The following KIAA1328 variants were observed in gnomAD, a reference collection of about 807,000 sequenced individuals.
KIAA1328 encodes the protein KIAA1328, also known as protein hinderin.
KIAA1328 carries 52 observed loss-of-function variants against 68.1 expected under a neutral mutation model. The ratio of observed to expected loss-of-function variants is 0.76; its 90% CI spans 0.61 to 0.96. The LOEUF (loss-of-function observed/expected upper bound fraction) is 0.96. Ranked by LOEUF, KIAA1328 falls within the 40% of genes least tolerant of loss-of-function variation. KIAA1328 has a pLI of 0.00. For synonymous variants in KIAA1328, 232 were observed against 239.4 expected, an observed-to-expected ratio of 0.97 and a Z score of 0.28; for missense variants, 641 against 677.6, an observed-to-expected ratio of 0.95 and a Z score of 0.60.
intron 6 of KIAA1328, among the ~76,000 whole-genome samples, chr18:37,020,526 A>C (rs540418419): frequency 6.6e-6 from 1 of 152,260 alleles, no homozygotes. Flanking sequence ...AGAATACTGT[A>C]TATAAATTTA....
At chr18:36,848,264 G>C (rs2047092900) in intron 4 of KIAA1328, among the ~76,000 whole-genome samples, 1 of 151,304 alleles carries the variant, frequency 6.6e-6, no homozygotes, top group African/African-American at 2.4e-5. Context: ...TCATTTTCAG[G>C]TTATAGGTTT....
intron 5 of KIAA1328, among the ~76,000 whole-genome samples, chr18:36,909,633 C>T (rs1292507515): frequency 1.3e-5 from 2 of 152,138 alleles, no homozygotes; most frequent in Non-Finnish European, 2.9e-5. Context: ...GATTTATAAT[C>T]CTTTGGGTAT....
chr18:36,925,586 G>C (rs1479485458), intron 5 of KIAA1328, among the ~76,000 whole-genome samples: 1 of 151,858 alleles, frequency 6.6e-6, no homozygotes, highest in African/African-American at 2.4e-5. Context: ...GCCCAGCCTG[G>C]AGTGCAGTGG....
intron 5 of KIAA1328, among the ~76,000 whole-genome samples, chr18:36,916,299 G>T (rs1598702467): frequency 6.6e-6 from 1 of 152,078 alleles, no homozygotes; most frequent in Admixed American, 6.5e-5. Context: ...TAGATTAGAT[G>T]ATGCATATTG....
chr18:37,139,579 A>C (rs907483665), intron 7 of KIAA1328, among the ~76,000 whole-genome samples: 8 of 152,180 alleles, frequency 5.3e-5, no homozygotes, highest in African/African-American at 7.2e-5. Context: ...TAGATCTGTA[A>C]TATTTCATTT....
At chr18:37,142,880 A>G (rs2058799849) in intron 7 of KIAA1328, among the ~76,000 whole-genome samples, 2 of 151,922 alleles carry the variant, frequency 1.3e-5, no homozygotes, top group Non-Finnish European at 2.9e-5. Context: ...GGGAGAACTG[A>G]CACCCTAAAA....
chr18:36,881,861 A>T (rs188105247), intron 4 of KIAA1328, among the ~76,000 whole-genome samples: 16 of 152,340 alleles, frequency 1.1e-4, no homozygotes, highest in Admixed American at 1.0e-3. Context: ...ATCCATTGAT[A>T]GATGTCAGGT....
intron 6 of KIAA1328, among the ~76,000 whole-genome samples, chr18:36,991,033 CTATT>C (rs1282072579): frequency 1.3e-5 from 2 of 152,100 alleles, no homozygotes; most frequent in South Asian, 4.2e-4. Context: ...TCTGTTCTTC[CTATT>C]TATTTATTGG....
At chr18:37,098,879 C>T (rs1024600020) in intron 7 of KIAA1328, among the ~76,000 whole-genome samples, 1 of 151,922 alleles carries the variant, frequency 6.6e-6, no homozygotes, top group African/African-American at 2.4e-5. Context: ...TTTATAGTGT[C>T]CTCTGATTGT....
chr18:37,125,346 G>T (rs1190286568), intron 7 of KIAA1328, among the ~76,000 whole-genome samples: 1 of 152,034 alleles, frequency 6.6e-6, no homozygotes, highest in African/African-American at 2.4e-5. Context: ...ACCTTGTGTG[G>T]TGCAGCTAAA....
At chr18:37,105,518 AAAAG>A (rs1278989905) in intron 7 of KIAA1328, among the ~76,000 whole-genome samples, 2 of 151,476 alleles carry the variant, frequency 1.3e-5, no homozygotes, top group African/African-American at 4.9e-5. Flanking sequence ...AAAAAAAAAA[AAAAG>A]AGCACTACTG....
At position 37,223,799 on chromosome 18, in the gene KIAA1328, A is replaced by T. The variant is rs1386773915; in HGVS notation, c.*1572A>T. The T allele has an allele frequency of 6.1e-6, 6 of 985,138 alleles. No homozygotes were observed. The highest frequency in any genetic ancestry group is 7.2e-6 in the Non-Finnish European group (6 of 829,882). The allele number at this position is 985,138 out of a possible 1,614,324, so 61.0% of individuals were successfully genotyped here. On this transcript the variant is annotated 3_prime_UTR_variant, in exon 10 of 10. Coordinates refer to ENST00000280020, the MANE Select transcript of KIAA1328 (RefSeq NM_020776.3). Reference sequence around the variant, plus strand: ...TCTTCAGGCTGAGACTGGCGCTGTCACCTCCACCCAGCCTTCTTTCACTTG... The same window carrying T: ...TCTTCAGGCTGAGACTGGCGCTGTCTCCTCCACCCAGCCTTCTTTCACTTG...
At chr18:37,005,637 G>A (rs2053754174) in intron 6 of KIAA1328, among the ~76,000 whole-genome samples, 1 of 151,944 alleles carries the variant, frequency 6.6e-6, no homozygotes, top group Non-Finnish European at 1.5e-5. Flanking sequence ...ATATATCAAA[G>A]GAATACATGT....
intron 6 of KIAA1328, among the ~76,000 whole-genome samples, chr18:37,054,213 G>T (rs9946168): frequency 0.27 from 40,659 of 151,906 alleles, 8,586 homozygotes; most frequent in African/African-American, 0.59. Context: ...TTGTTGGTGG[G>T]GATGTAAATT....
At chr18:37,174,380 CTT>C (rs757197220) in intron 9 of KIAA1328, among the ~76,000 whole-genome samples, 382 of 120,572 alleles carry the variant, frequency 3.2e-3, no homozygotes, top group South Asian at 9.2e-3. Context: ...TGCTTTCTTC[CTT>C]TTTTTTTTTT....
intron 7 of KIAA1328, among the ~76,000 whole-genome samples, chr18:37,158,090 T>C (rs1399775486): frequency 6.6e-6 from 1 of 151,956 alleles, no homozygotes; most frequent in Non-Finnish European, 1.5e-5. Context: ...TGGAGTGCAG[T>C]GGCATGGTCA....
chr18:37,173,322 C>T (rs80070359), intron 9 of KIAA1328, among the ~76,000 whole-genome samples: 1 of 152,256 alleles, frequency 6.6e-6, no homozygotes, highest in East Asian at 1.9e-4. Flanking sequence ...TAAAGCTAAA[C>T]CTATCCTTCA....
chr18:37,076,163 C>T (rs1377149928), intron 7 of KIAA1328, among the ~76,000 whole-genome samples: 1 of 152,252 alleles, frequency 6.6e-6, no homozygotes, highest in Non-Finnish European at 1.5e-5. Context: ...CAAACTAGAA[C>T]TCAGAATTAA....
In KIAA1328 at chr18:37,224,412, T is replaced by C; in HGVS notation, c.*2185T>C. ...CCAATTTGGAAAAGCAGAGATGGGC[T>C]TTCAGCAGAATATCAACCAATACAT... On this transcript the variant is annotated 3_prime_UTR_variant, in exon 10 of 10. Coordinates refer to ENST00000280020, the MANE Select transcript of KIAA1328 (RefSeq NM_020776.3). 1.0e-6 allele frequency: 1 copy of C among 985,394 alleles called. No individual in the cohort carries two copies. The highest frequency in any genetic ancestry group is 1.2e-6 in the Non-Finnish European group (1 of 829,924). The allele number at this position is 985,394 out of a possible 1,614,324, so 61.0% of individuals were successfully genotyped here. A position where few individuals can be genotyped will look rare whatever the true frequency, so the allele number is the denominator to read the frequency against.
Sources: gnomAD v4.1 joint callset for allele counts (sites outside exome capture counted in the v4.1 genomes callset) on GRCh38, gnomAD v4.1.1 for gene constraint, MANE v1.5 for transcripts, NCBI Gene and HGNC (gene_info 2026-07-23, HGNC 2026-07-21) for gene names.